Variants in ARAP1 observed in about 807,000 individuals in gnomAD.
ARAP1 encodes the protein arf-GAP with Rho-GAP domain, ANK repeat and PH domain-containing protein 1.
In ARAP1, 76 loss-of-function variants were observed where a neutral mutation model predicts 172.2. That is an observed-to-expected ratio of 0.44 (90% CI 0.37 to 0.53). ARAP1 has a LOEUF of 0.53. Among genes scored for constraint, ARAP1 ranks in the 20% least tolerant of loss-of-function variants. ARAP1 has a pLI of 0.00. For synonymous variants in ARAP1, 804 were observed against 803.3 expected (o/e 1.00, Z -0.01); for missense variants, 1,686 against 1,977.5 (o/e 0.85, Z 2.80).
In ARAP1 at chr11:72,720,410, T is replaced by C. The variant is rs191961002; in HGVS notation, c.510-6089A>G. Among the ~76,000 whole-genome samples, 11 of 152,288 alleles carry C rather than the reference T, an allele frequency of 7.2e-5. No homozygotes were observed. The East Asian group carries it at 1.4e-3, about 19-fold the overall frequency. The stretch of plus-strand genomic sequence containing the variant: ...GTTCACTTCTGCCTAGCCCCCAGCA[T>C]AGACAGCCCTTCCTAGGGTCTCACT... On this transcript the variant is annotated intron_variant, in intron 3 of 34. Transcript: ENST00000393609.
intron 3 of ARAP1, among the ~76,000 whole-genome samples, chr11:72,719,661 C>T (rs929075552): frequency 9.9e-5 from 15 of 152,190 alleles, no homozygotes; most frequent in Non-Finnish European, 2.9e-5. Flanking sequence ...CACCCCTACC[C>T]GTTCCTATCT....
At chr11:72,689,865 G>A (rs544119460) in intron 30 of ARAP1, among the ~76,000 whole-genome samples, 5 of 152,138 alleles carry the variant, frequency 3.3e-5, no homozygotes, top group African/African-American at 9.7e-5. Context: ...ATCAGGCTTC[G>A]GACATGGAAG....
chr11:72,712,783 A>G, intron 5 of ARAP1: 1 of 696,488 alleles, frequency 1.4e-6, no homozygotes, highest in South Asian at 1.8e-5. Context: ...CCGACCTAGG[A>G]CACAGACAAA....
chr11:72,706,314 T>C (rs972222174), intron 12 of ARAP1, among the ~76,000 whole-genome samples: 22 of 152,128 alleles, frequency 1.4e-4, no homozygotes, highest in African/African-American at 2.4e-5. Flanking sequence ...CATGTCCTCA[T>C]GGCCACTCCT....
At chr11:72,737,650 G>A (rs1178678244) in intron 1 of ARAP1, among the ~76,000 whole-genome samples, 1 of 151,074 alleles carries the variant, frequency 6.6e-6, no homozygotes, top group East Asian at 1.9e-4. Flanking sequence ...TTTGAAACAG[G>A]GTCACTCTGT....
intron 3 of ARAP1, among the ~76,000 whole-genome samples, chr11:72,723,897 C>G (rs2135568387): frequency 6.6e-6 from 1 of 152,342 alleles, no homozygotes; most frequent in Middle Eastern, 3.4e-3. Flanking sequence ...CATGTACACA[C>G]ACGTGCACAC....
In ARAP1 at chr11:72,698,073, C is replaced by G. The variant is rs1168519239; in HGVS notation, c.2575G>C (p.Ala859Pro). Residue 859 changes from alanine to proline, a missense_variant, in exon 19 of 35, where the codon GCC becomes CCC. Ala to Pro is a conservative substitution (Grantham distance 27, BLOSUM62 -1). Coordinates refer to ENST00000393609, the MANE Select transcript of ARAP1 (RefSeq NM_001040118.3). ...CGTCCCAGCCGCTCAAAATCCCGGG[C>G]CAGCAGATCCTCGGCTAGGGGAGGC... ...FVPPLAEDLL[A>P]RDFERLGRLP... 6.2e-7 allele frequency: 1 copy of G among 1,605,334 alleles called. No individual in the cohort carries two copies. The highest frequency in any genetic ancestry group is 1.7e-5 in the Admixed American group (1 of 58,350).
chr11:72,713,622 C>T (rs950064732), intron 4 of ARAP1, among the ~76,000 whole-genome samples: 3 of 152,044 alleles, frequency 2.0e-5, no homozygotes, highest in East Asian at 1.9e-4. Flanking sequence ...CTGAGGTGGG[C>T]AGATCACGAA....
In ARAP1 at chr11:72,736,070, C is replaced by G. The variant is rs528345763; in HGVS notation, c.-127-3473G>C. On this transcript the variant is annotated intron_variant, in intron 1 of 34. Transcript: ENST00000393609. ...GCCACACTGCAGCCTGAGGCAAAGA[C>G]AGAATCATCAGTACTGTTCCTCTCT... is the stretch of plus-strand genomic sequence containing the variant. Among the ~76,000 whole-genome samples the G allele has an allele frequency of 3.3e-5, 5 of 152,320 alleles. No homozygotes were observed. The East Asian group carries it at 9.6e-4, about 29-fold the overall frequency.
Position 72,728,154 on chromosome 11 carries a change from G to C in ARAP1, c.-44-982C>G, listed in dbSNP as rs538690084. 3.3e-5 allele frequency among the ~76,000 whole-genome samples: 5 copies of C among 152,258 alleles called. No individual in the cohort carries two copies. The Middle Eastern group carries it at 0.01, about 313-fold the overall frequency. ...AGCTCTGGACAACAAAAATAAACAAGAGGTCTTAAAATCAGAAAGGAAGAG... is the reference window on the plus strand; with the variant it reads ...AGCTCTGGACAACAAAAATAAACAACAGGTCTTAAAATCAGAAAGGAAGAG... On this transcript the variant is annotated intron_variant, in intron 2 of 34. Coordinates refer to ENST00000393609, the MANE Select transcript of ARAP1 (RefSeq NM_001040118.3).
chr11:72,702,289 A>G (rs1218970644), intron 15 of ARAP1, among the ~76,000 whole-genome samples: 1 of 152,080 alleles, frequency 6.6e-6, no homozygotes, highest in African/African-American at 2.4e-5. Flanking sequence ...TCTCCAGCCC[A>G]GTGTGCCCCG....
At position 72,697,497 on chromosome 11, in the gene ARAP1, G is replaced by A; in HGVS notation, c.2790-11C>T. 1.9e-6 allele frequency: 3 copies of A among 1,612,464 alleles called. No homozygotes were observed. The highest frequency in any genetic ancestry group is 1.7e-6 in the Non-Finnish European group (2 of 1,178,908). On this transcript the variant is annotated splice_polypyrimidine_tract_variant and intron_variant, in intron 20 of 34. Coordinates refer to ENST00000393609, the MANE Select transcript of ARAP1 (RefSeq NM_001040118.3). ...TGTATGTACAGTGTCCTGGGCCAGG[G>A]ACAGTCAGTCACTGAGGGGCCTACA...
At chr11:72,696,225 C>T (rs1270609107) in intron 23 of ARAP1, among the ~76,000 whole-genome samples, 4 of 152,150 alleles carry the variant, frequency 2.6e-5, no homozygotes, top group Admixed American at 2.0e-4. Context: ...CTCCCATGCA[C>T]GGTTCACAAT....
At chr11:72,686,521 T>C (rs1388415094) in intron 33 of ARAP1, among the ~76,000 whole-genome samples, 1 of 152,178 alleles carries the variant, frequency 6.6e-6, no homozygotes, top group Non-Finnish European at 1.5e-5. Flanking sequence ...AGGCTTTGCT[T>C]ACCAGGAAGC....
In ARAP1 at chr11:72,741,934, G is replaced by A. The variant is rs1279306887; in HGVS notation, c.-127-9337C>T. On this transcript the variant is annotated intron_variant, in intron 1 of 34. Transcript: ENST00000393609. This position sits in a 1 kb window ranked among gnomAD's most constrained non-coding sequence, Gnocchi z 4.5. ...TGTACCCCAGAACTAGGGGTGCAGGGGAACAGGGACCCAGACCTGCCTACT... is the reference window on the plus strand; with the variant it reads ...TGTACCCCAGAACTAGGGGTGCAGGAGAACAGGGACCCAGACCTGCCTACT... 1.3e-5 allele frequency among the ~76,000 whole-genome samples: 2 copies of A among 152,158 alleles called. No homozygotes were observed. Among genetic ancestry groups the A allele is most frequent in the Non-Finnish European group, 2.9e-5 (2 of 68,008 alleles).
chr11:72,702,238 C>T (rs541208510), intron 15 of ARAP1, among the ~76,000 whole-genome samples: 47 of 152,234 alleles, frequency 3.1e-4, no homozygotes, highest in Non-Finnish European at 5.4e-4. Context: ...AAGCCCAAGC[C>T]AGTTGGGTGG....
chr11:72,735,062 C>T (rs988237245), intron 1 of ARAP1, among the ~76,000 whole-genome samples: 5 of 152,030 alleles, frequency 3.3e-5, no homozygotes, highest in Admixed American at 3.3e-4. Flanking sequence ...CTCACCGCAA[C>T]CTCTGCCTCT....
intron 1 of ARAP1, among the ~76,000 whole-genome samples, chr11:72,746,504 C>T (rs995450080): frequency 6.6e-6 from 1 of 152,204 alleles, no homozygotes; most frequent in Non-Finnish European, 1.5e-5. Flanking sequence ...TTTAGGCTCT[C>T]GGAACCTAGA....
chr11:72,703,255 G>T, intron 14 of ARAP1, 176 bp from the exon 15 acceptor site: 1 of 695,714 alleles, frequency 1.4e-6, no homozygotes, highest in Non-Finnish European at 2.2e-6. Context: ...GAAGAGAGAG[G>T]CCAAGGGGAG....
Sources: allele counts gnomAD v4.1 joint callset (sites outside exome capture counted in the v4.1 genomes callset), GRCh38; gene constraint gnomAD v4.1.1; non-coding constraint Gnocchi (gnomAD v3.1); transcripts MANE v1.5; gene names NCBI Gene and HGNC (gene_info 2026-07-23, HGNC 2026-07-21).